The following FBN1 variants were observed in gnomAD, a reference collection of about 807,000 sequenced individuals.
FBN1 encodes fibrillin-1.
In FBN1, 29 loss-of-function variants were observed where a neutral mutation model predicts 365.1. That is an observed-to-expected ratio of 0.08 (90% CI 0.06 to 0.11). The LOEUF (loss-of-function observed/expected upper bound fraction) is 0.11. FBN1 is among the 10% of genes least tolerant of loss of function. The pLI, the probability that FBN1 is intolerant of heterozygous loss-of-function variation, is 1.00. For missense variants in FBN1, 2,476 were observed against 3,703.2 expected (o/e 0.67, Z 8.60); for synonymous variants, 1,210 against 1,270.5 (o/e 0.95, Z 1.01).
intron 15 of FBN1, 86 bp downstream of exon 15, chr15:48,508,496 T>A: frequency 6.4e-7 from 1 of 1,568,648 alleles, no homozygotes; most frequent in South Asian, 1.1e-5. Flanking sequence ...GTGGGGAGAA[T>A]CAGTAAAGAA....
At chr15:48,415,215 C>T (rs1046609640) in intron 64 of FBN1, among the ~76,000 whole-genome samples, 3 of 152,158 alleles carry the variant, frequency 2.0e-5, no homozygotes, top group African/African-American at 7.2e-5. Context: ...CCAGTTCTGT[C>T]ATGGGTTGGC....
rs1314087756 is a variant in FBN1 at position 48,550,999 on chromosome 15, T to C, written c.539-13191A>G. On this transcript the variant is annotated intron_variant, in intron 6 of 65. Coordinates refer to ENST00000316623, the MANE Select transcript of FBN1 (RefSeq NM_000138.5). Reference sequence around the variant, plus strand: ...AATGAATGAATGAATGAATGGAGGATGCAAAATGACATATCTTTAAGTTAG... The same window carrying C: ...AATGAATGAATGAATGAATGGAGGACGCAAAATGACATATCTTTAAGTTAG... Among the ~76,000 whole-genome samples, 3 of 141,630 alleles carry C rather than the reference T, an allele frequency of 2.1e-5. No individual in the cohort carries two copies. In the Admixed American group the frequency reaches 2.1e-4, roughly 10 times the overall value. 92.9% of individuals were successfully genotyped at this position (141,630 alleles called of 152,430 possible). A position where few individuals can be genotyped will look rare whatever the true frequency, so the allele number is the denominator to read the frequency against.
Position 48,472,655 on chromosome 15 carries a change from T to G in FBN1, c.4232A>C (p.Asn1411Thr). The G allele has an allele frequency of 6.2e-7, 1 of 1,614,100 alleles. No individual in the cohort carries two copies. The highest frequency in any genetic ancestry group is 8.5e-7 in the Non-Finnish European group (1 of 1,180,012). ...CTGGCCATTGCCACAGAGATTCAGGTTCTCAGAGCACTCATCAAGGTCTAC... is the reference window on the plus strand; with the variant it reads ...CTGGCCATTGCCACAGAGATTCAGGGTCTCAGAGCACTCATCAAGGTCTAC... The part of the protein sequence containing the change: ...TCTDLDECSE[N>T]LNLCGNGQCL... The change falls in exon 35 of 66, where the codon AAC (asparagine) becomes ACC (threonine). Residue 1411 changes from asparagine to threonine, a missense_variant. Physicochemically the swap from Asn to Thr is moderately conservative, Grantham distance 65. Transcript: ENST00000316623.
chr15:48,468,131 T>A (rs2043338632), intron 37 of FBN1, 29 bp from the exon 38 acceptor site: 9 of 1,613,534 alleles, frequency 5.6e-6, no homozygotes, highest in Non-Finnish European at 6.8e-6. Flanking sequence ...CACAAAAGCA[T>A]CAGGCAGAAT....
intron 64 of FBN1, among the ~76,000 whole-genome samples, chr15:48,413,625 T>C (rs1343786271): frequency 6.6e-6 from 1 of 152,232 alleles, no homozygotes; most frequent in Non-Finnish European, 1.5e-5. Flanking sequence ...GTTGAAACAT[T>C]TGAATGGTCC....
At chr15:48,555,405 C>T (rs937188643) in intron 6 of FBN1, among the ~76,000 whole-genome samples, 1 of 152,186 alleles carries the variant, frequency 6.6e-6, no homozygotes, top group Non-Finnish European at 1.5e-5. Context: ...AAGAACATGT[C>T]TGGTTGTCTC....
chr15:48,641,419 A>G (rs568996567), intron 2 of FBN1: 1 of 152,342 alleles, frequency 6.6e-6, no homozygotes, highest in Admixed American at 6.5e-5. Flanking sequence ...GGAGCTGACA[A>G]GAAAGGAATA....
chr15:48,550,350 G>A (rs1597600163), intron 6 of FBN1, among the ~76,000 whole-genome samples: 1 of 152,188 alleles, frequency 6.6e-6, no homozygotes, highest in Non-Finnish European at 1.5e-5. Flanking sequence ...TCTTATTTTG[G>A]GAAAGGGCAT....
chr15:48,614,511 T>C (rs146028570), intron 2 of FBN1, among the ~76,000 whole-genome samples: 296 of 152,288 alleles, frequency 1.9e-3, no homozygotes, highest in Non-Finnish European at 3.3e-3. Flanking sequence ...ACCCCTTTTG[T>C]TGCTCCAGAA....
At chr15:48,519,089 T>C (rs1046424345) in intron 10 of FBN1, among the ~76,000 whole-genome samples, 9 of 152,186 alleles carry the variant, frequency 5.9e-5, no homozygotes, top group African/African-American at 1.9e-4. Flanking sequence ...AAGCTGCTGA[T>C]TCCTAAGTTA....
chr15:48,576,562 G>A (rs1217045248), intron 6 of FBN1, among the ~76,000 whole-genome samples: 1 of 152,204 alleles, frequency 6.6e-6, no homozygotes, highest in Non-Finnish European at 1.5e-5. Context: ...GAGGAATGAA[G>A]GGAAGGTGGG....
chr15:48,489,203 T>A (rs1248239909), intron 25 of FBN1, among the ~76,000 whole-genome samples: 8 of 130,018 alleles, frequency 6.2e-5, no homozygotes, highest in Non-Finnish European at 1.1e-4. Context: ...CCTAGATATT[T>A]TTTTTTTTTT....
At chr15:48,577,236 G>A (rs1199576635) in intron 6 of FBN1, among the ~76,000 whole-genome samples, 13 of 152,036 alleles carry the variant, frequency 8.6e-5, no homozygotes, top group Non-Finnish European at 1.9e-4. Flanking sequence ...TTATTTTCAG[G>A]TCTAGCCAGT....
rs936286163 is a variant in FBN1, at chr15:48,441,926, C to A, written c.6038-80G>T. 2.0e-6 allele frequency: 3 copies of A among 1,474,650 alleles called. No individual in the cohort carries two copies. In the African/African-American group the frequency reaches 4.1e-5, roughly 20 times the overall value. 91.3% of individuals were successfully genotyped at this position (1,474,650 alleles called of 1,614,324 possible). A position where few individuals can be genotyped will look rare whatever the true frequency, so the allele number is the denominator to read the frequency against. On this transcript the variant is annotated intron_variant, in intron 49 of 65. Transcript: ENST00000316623. Reference sequence around the variant, plus strand: ...GTACCAAACACACAATGTGGACACACAAAGGGCAACTGAGTTTCCAAACTC... The same window carrying A: ...GTACCAAACACACAATGTGGACACAAAAAGGGCAACTGAGTTTCCAAACTC...
chr15:48,489,725 T>C, intron 25 of FBN1, 126 bp downstream of exon 25: 1 of 791,186 alleles, frequency 1.3e-6, no homozygotes, highest in Non-Finnish European at 2.1e-6. Context: ...TAAACAAAGA[T>C]AATTATATAA....
At chr15:48,419,413 G>A (rs115727970) in intron 63 of FBN1, among the ~76,000 whole-genome samples, 1 of 152,008 alleles carries the variant, frequency 6.6e-6, no homozygotes, top group African/African-American at 2.4e-5. Flanking sequence ...CCTAAATAAT[G>A]AGAACAGACA....
chr15:48,420,660 T>C, intron 63 of FBN1, 27 bp downstream of exon 63: 3 of 1,613,966 alleles, frequency 1.9e-6, no homozygotes, highest in Non-Finnish European at 2.5e-6. Flanking sequence ...TAGCCATGCA[T>C]CTTGAGAGTG....
In FBN1 at chr15:48,487,101, G is replaced by A. The variant is rs1057520181; in HGVS notation, c.3563C>T (p.Ser1188Leu). The A allele has an allele frequency of 5.0e-6, 8 of 1,613,814 alleles. No homozygotes were observed. Among genetic ancestry groups the A allele is most frequent in the Non-Finnish European group, 5.1e-6 (6 of 1,179,910 alleles). The change falls in exon 29 of 66, where the codon TCA becomes TTA. Residue 1188 changes from serine (S) to leucine (L), a missense_variant. Physicochemically the swap from Ser to Leu is moderately radical, Grantham distance 145. This residue lies in a region of FBN1 where 1,780 missense variants were observed against 2,840.8 expected (regional missense o/e 0.63). Transcript: ENST00000316623. The stretch of plus-strand genomic sequence containing the variant: ...AACACAAAATAGCCTATCGGGAGTT[G>A]AATGGTAGCCAGGGTTGCAGGCACA... ...YQCACNPGYH[S>L]TPDRLFCVDI... is the part of the protein sequence containing the mutation.
chr15:48,443,538 TA>T (rs1022827261), intron 49 of FBN1, among the ~76,000 whole-genome samples: 10 of 152,320 alleles, frequency 6.6e-5, no homozygotes, highest in African/African-American at 2.2e-4. Flanking sequence ...ACAATTTCAA[TA>T]AGGTGTTTCC....
Sources: allele counts gnomAD v4.1 joint callset (sites outside exome capture counted in the v4.1 genomes callset), GRCh38; gene constraint gnomAD v4.1.1; regional missense constraint gnomAD v4.1.1; transcripts MANE v1.5; gene names NCBI Gene and HGNC (gene_info 2026-07-23, HGNC 2026-07-21).